Variants in WDR3 observed in about 807,000 individuals in gnomAD.
The protein encoded by WDR3 is WD repeat domain 3.
A neutral mutation model predicts 123.7 loss-of-function variants in WDR3; 81 were observed. The observed-to-expected ratio is 0.65, with a 90% CI of 0.55 to 0.79. The LOEUF is 0.79. Ranked by LOEUF, WDR3 falls within the 30% of genes least tolerant of loss-of-function variation. WDR3 has a pLI of 0.00. For missense variants in WDR3, 1,027 were observed against 1,123.2 expected (o/e 0.91, Z 1.22); for synonymous variants, 390 against 388.8 (o/e 1.00, Z -0.04).
chr1:117,952,551 T>C lies in WDR3; in HGVS notation c.2040T>C (p.Cys680=). The change falls in exon 19 of 27, where the codon TGT becomes TGC. Residue 680 remains cysteine, a synonymous_variant. Transcript: ENST00000349139. The part of the protein sequence containing the change: ...TLEGHHQEIW[C]LAVSPSGDYV... ...AGGGTCATCACCAGGAAATATGGTG[T>C]TTGGCTGTAAGCCCCAGTGGAGACT... The C allele has an allele frequency of 1.2e-6, 2 of 1,612,768 alleles. No individual in the cohort carries two copies. Among genetic ancestry groups the C allele is most frequent in the Non-Finnish European group, 1.7e-6 (2 of 1,179,446 alleles).
chr1:117,934,831 A>T (rs1650858434), intron 3 of WDR3, 149 bp downstream of exon 3: 1 of 760,950 alleles, frequency 1.3e-6, no homozygotes, highest in Non-Finnish European at 2.0e-6. Flanking sequence ...ATGGGTGTGA[A>T]TTGGGTGGTT....
rs1651673942 is a variant in WDR3, at chr1:117,952,671, T to C, written c.2151+9T>C. ...AGGAAGAAAGGGAGATGGTAAGAACTTTAGGCTTGGTTACAAATATGCCAG... is the reference window on the plus strand; with the variant it reads ...AGGAAGAAAGGGAGATGGTAAGAACCTTAGGCTTGGTTACAAATATGCCAG... On this transcript the variant is annotated intron_variant, in intron 19 of 26. Coordinates refer to ENST00000349139, the MANE Select transcript of WDR3 (RefSeq NM_006784.3). 1 of 1,610,526 alleles carries C rather than the reference T, an allele frequency of 6.2e-7. No individual in the cohort carries two copies. The highest frequency in any genetic ancestry group is 8.5e-7 in the Non-Finnish European group (1 of 1,178,594).
At position 117,941,767 on chromosome 1, in the gene WDR3, A is replaced by G. The variant is rs762200356; in HGVS notation, c.909A>G (p.Leu303=). Residue 303 remains leucine, a synonymous_variant, in exon 9 of 27, where the codon CTA becomes CTG. Transcript: ENST00000349139. ...CTTTCTAGGGAACTGACTCTGTGCT[A>G]GAATTGTTTTGTATCCTTTCCAAAA... ...ILACHGTDSV[L]ELFCILSKKE... is the part of the protein sequence containing the mutation. 1.2e-6 allele frequency: 2 copies of G among 1,611,478 alleles called. No homozygotes were observed. The highest frequency in any genetic ancestry group is 1.7e-6 in the Non-Finnish European group (2 of 1,179,406).
rs1651790058 is a variant in WDR3 at position 117,954,010 on chromosome 1, G to C, written c.2272G>C (p.Glu758Gln). ...KKTIETVKAA[E>Q]RIMEAIELYR... ...TTTCCTTTCTCATCCTCTGTAGGCT[G>C]AGAGGATTATGGAGGCTATTGAGTT... The change falls in exon 22 of 27, where the codon GAG (glutamate) becomes CAG (glutamine). Residue 758 changes from glutamate (E) to glutamine (Q), a missense_variant. Coordinates refer to ENST00000349139, the MANE Select transcript of WDR3 (RefSeq NM_006784.3). 1 of 1,610,118 alleles carries C rather than the reference G, an allele frequency of 6.2e-7. No individual in the cohort carries two copies. The highest frequency in any genetic ancestry group is 8.5e-7 in the Non-Finnish European group (1 of 1,177,874).
chr1:117,940,749 C>A, intron 6 of WDR3, 78 bp from the exon 7 acceptor site: 4 of 1,293,840 alleles, frequency 3.1e-6, no homozygotes, highest in South Asian at 1.4e-5. Flanking sequence ...ACAACAACAA[C>A]AAAACAACAA....
At position 117,964,830 on chromosome 1, in the gene WDR3, C is replaced by T. The variant is rs1653609210; in HGVS notation, c.*5383C>T. 6.6e-6 allele frequency: 1 copy of T among 152,230 alleles called. No individual in the cohort carries two copies. Among genetic ancestry groups the T allele is most frequent in the African/African-American group, 2.4e-5 (1 of 41,448 alleles). The allele number at this position is 152,230 out of a possible 1,614,324, so 9.4% of individuals were successfully genotyped here. ...CAAGTTCCTTTAACTTTCTCCTTCA[C>T]CTCGGAATATCTGAATCATCAGCTA... On this transcript the variant is annotated 3_prime_UTR_variant, in exon 27 of 27. Transcript: ENST00000349139.
rs1201019421 is a variant in WDR3, at chr1:117,936,854, T to G, written c.467T>G (p.Leu156Trp). 9.9e-6 allele frequency: 16 copies of G among 1,613,144 alleles called. No individual in the cohort carries two copies. The highest frequency in any genetic ancestry group is 1.4e-5 in the Non-Finnish European group (16 of 1,179,436). Residue 156 changes from leucine (L) to tryptophan (W), a missense_variant, in exon 4 of 27, where the codon TTG becomes TGG. Coordinates refer to ENST00000349139, the MANE Select transcript of WDR3 (RefSeq NM_006784.3). ...KGHKDAITQALFLREKNLLVT... is the reference protein window; with the variant it reads ...KGHKDAITQAWFLREKNLLVT... ...CACAAGGATGCCATCACACAAGCAT[T>G]GTTTCTACGAGAAAAGAACCTGCTA...
intron 20 of WDR3, 38 bp downstream of exon 20, chr1:117,953,034 A>G (rs1461596708): frequency 1.2e-6 from 2 of 1,600,488 alleles, no homozygotes; most frequent in East Asian, 2.2e-5. Flanking sequence ...TATGCCCCAT[A>G]TATAGTTATC....
chr1:117,964,027 T>A lies in WDR3; in HGVS notation c.*4580T>A. The stretch of plus-strand genomic sequence containing the variant: ...AACATTTTAGAATCATAGAATTTCT[T>A]CTCTGGCAACATCAGTTCAATTTTA... On this transcript the variant is annotated 3_prime_UTR_variant, in exon 27 of 27. Transcript: ENST00000349139. The A allele has an allele frequency of 1.4e-6, 2 of 1,442,096 alleles. No individual in the cohort carries two copies. Among genetic ancestry groups the A allele is most frequent in the Non-Finnish European group, 1.9e-6 (2 of 1,062,300 alleles). 89.3% of individuals were successfully genotyped at this position (1,442,096 alleles called of 1,614,324 possible).
chr1:117,939,814 C>A (rs1651077997), intron 6 of WDR3, among the ~76,000 whole-genome samples: 1 of 152,202 alleles, frequency 6.6e-6, no homozygotes, highest in Admixed American at 6.5e-5. Flanking sequence ...TTGTGGCACT[C>A]TTAATCAGAT....
chr1:117,932,093 TC>T (rs1283773640), intron 1 of WDR3, among the ~76,000 whole-genome samples: 2 of 152,232 alleles, frequency 1.3e-5, no homozygotes, highest in African/African-American at 4.8e-5. Flanking sequence ...TTTTTACTCT[TC>T]CATGTAAAGA....
intron 1 of WDR3, among the ~76,000 whole-genome samples, chr1:117,932,490 T>C (rs1448731211): frequency 6.6e-6 from 1 of 152,194 alleles, no homozygotes; most frequent in Non-Finnish European, 1.5e-5. Context: ...GATTTGGATG[T>C]ATACTAGAGT....
Position 117,933,432 on chromosome 1 carries a change from A to G in WDR3, c.113A>G (p.Tyr38Cys), listed in dbSNP as rs553284648. The change falls in exon 2 of 27, where the codon TAT becomes TGT. Residue 38 changes from tyrosine to cysteine, a missense_variant. Coordinates refer to ENST00000349139, the MANE Select transcript of WDR3 (RefSeq NM_006784.3). ...FVTLRGEKGR[Y>C]VAVPACEHVF... is the part of the protein sequence containing the mutation. The stretch of plus-strand genomic sequence containing the variant: ...ACACTTCGTGGTGAGAAAGGACGTT[A>G]TGTGGCAGTACCAGCTTGTGAACAC... The G allele has an allele frequency of 2.8e-5, 46 of 1,614,196 alleles. No homozygotes were observed. The highest frequency in any genetic ancestry group is 3.8e-5 in the Non-Finnish European group (45 of 1,180,042).
In WDR3 at chr1:117,957,125, A is replaced by G; in HGVS notation, c.2511A>G (p.Lys837=). Residue 837 remains lysine, a synonymous_variant, in exon 25 of 27, where the codon AAA becomes AAG. Coordinates refer to ENST00000349139, the MANE Select transcript of WDR3 (RefSeq NM_006784.3). The part of the protein sequence containing the change: ...LPFSYVPDIL[K]LFNEFIQLGS... Reference sequence around the variant, plus strand: ...TCTCTTATGTCCCAGACATTCTTAAACTCTTTAACGAATTCATTCAGCTGG... The same window carrying G: ...TCTCTTATGTCCCAGACATTCTTAAGCTCTTTAACGAATTCATTCAGCTGG... 6.2e-7 allele frequency: 1 copy of G among 1,611,750 alleles called. No homozygotes were observed. Among genetic ancestry groups the G allele is most frequent in the African/African-American group, 1.3e-5 (1 of 74,820 alleles).
chr1:117,933,511 T>C (rs368720595), intron 2 of WDR3, 21 bp downstream of exon 2: 2 of 1,613,590 alleles, frequency 1.2e-6, no homozygotes, highest in African/African-American at 1.3e-5. Context: ...AATGACCAGT[T>C]TGATACTGAT....
chr1:117,940,587 G>C (rs1395078686), intron 6 of WDR3, among the ~76,000 whole-genome samples: 1 of 152,092 alleles, frequency 6.6e-6, no homozygotes, highest in African/African-American at 2.4e-5. Context: ...AATTAGTCAA[G>C]CACAGTGGTG....
At chr1:117,952,111 T>G in intron 17 of WDR3, 35 bp downstream of exon 17, 1 of 1,593,158 alleles carries the variant, frequency 6.3e-7, no homozygotes, top group Non-Finnish European at 8.6e-7. Flanking sequence ...TCCCTTTGAG[T>G]CACCTGTAAG....
intron 15 of WDR3, 72 bp downstream of exon 15, chr1:117,950,202 A>G (rs1312665744): frequency 6.3e-7 from 1 of 1,583,164 alleles, no homozygotes; most frequent in Non-Finnish European, 8.6e-7. Context: ...TTGAGGCTAT[A>G]AAGAAGTGGC....
chr1:117,948,294 G>A, intron 12 of WDR3, 111 bp from the exon 13 acceptor site: 1 of 808,200 alleles, frequency 1.2e-6, no homozygotes, highest in East Asian at 2.7e-5. Flanking sequence ...CCTAAGCAAT[G>A]GATCACATTT....
Sources: gnomAD v4.1 joint callset for allele counts (sites outside exome capture counted in the v4.1 genomes callset) on GRCh38, gnomAD v4.1.1 for gene constraint, MANE v1.5 for transcripts, NCBI Gene and HGNC (gene_info 2026-07-23, HGNC 2026-07-21) for gene names.